PDZRN4: variants seen among roughly 807,000 people sequenced by gnomAD.
The protein encoded by PDZRN4 is PDZ domain containing ring finger 4.
In PDZRN4, 70 loss-of-function variants were observed where a neutral mutation model predicts 99.0. That is an observed-to-expected ratio of 0.71 (90% CI 0.58 to 0.86). PDZRN4 has a LOEUF of 0.86. PDZRN4 is among the 40% of genes least tolerant of loss of function. The probability of loss-of-function intolerance (pLI) is 0.00; values close to 1 mark genes in which losing one functional copy is unlikely to be tolerated. For missense variants in PDZRN4, 1,474 were observed against 1,331.2 expected (o/e 1.11, Z -1.67); for synonymous variants, 551 against 501.6 (o/e 1.10, Z -1.32).
intron 5 of PDZRN4, among the ~76,000 whole-genome samples, chr12:41,513,237 G>A (rs1274814349): frequency 1.3e-5 from 2 of 152,000 alleles, no homozygotes; most frequent in Non-Finnish European, 2.9e-5. Flanking sequence ...ACAAGCAAAT[G>A]CTTCTTTGGA....
At chr12:41,309,327 G>C (rs9669441) in intron 3 of PDZRN4, among the ~76,000 whole-genome samples, 71,904 of 151,936 alleles carry the variant, frequency 0.47, 18,956 homozygotes, top group Middle Eastern at 0.65. Context: ...TGAGGGGCCA[G>C]CATCTTGTGA....
chr12:41,468,205 A>C (rs902767004), intron 3 of PDZRN4, among the ~76,000 whole-genome samples: 2 of 152,332 alleles, frequency 1.3e-5, no homozygotes, highest in South Asian at 4.1e-4. Flanking sequence ...TCTGACCCTC[A>C]GAATATGGAA....
rs1425904586 is a variant in PDZRN4, at chr12:41,243,521, T to C, written c.843+49333T>C. ...GAAGTTATTATTCATGCAAGTGATA[T>C]CACGGCATTTGAATACGTTAAAAAT... On this transcript the variant is annotated intron_variant, in intron 3 of 9. Transcript: ENST00000402685. 1.3e-5 allele frequency among the ~76,000 whole-genome samples: 2 copies of C among 152,224 alleles called. 1 individual carries two copies. Among genetic ancestry groups the C allele is most frequent in the Non-Finnish European group, 2.9e-5 (2 of 68,046 alleles).
intron 2 of PDZRN4, 70 bp from the exon 3 acceptor site, chr12:41,194,011 G>C: frequency 1.4e-6 from 1 of 719,940 alleles, no homozygotes; most frequent in Non-Finnish European, 2.4e-6. Flanking sequence ...TGTTACATTT[G>C]GTAAATTGTC....
chr12:41,554,297 A>G (rs1939107553), intron 6 of PDZRN4, among the ~76,000 whole-genome samples: 1 of 152,158 alleles, frequency 6.6e-6, no homozygotes, highest in Admixed American at 6.5e-5. Context: ...TTCATGAATC[A>G]CCCTTCACTT....
intron 3 of PDZRN4, chr12:41,437,810 G>A (rs962737883): frequency 3.2e-6 from 5 of 1,568,678 alleles, no homozygotes; most frequent in South Asian, 1.2e-5. Flanking sequence ...AGCTAACAGC[G>A]GTTTGTCTGT....
intron 3 of PDZRN4, among the ~76,000 whole-genome samples, chr12:41,196,126 T>C (rs75139276): frequency 0.029 from 4,379 of 152,222 alleles, 162 homozygotes; most frequent in East Asian, 0.16. Context: ...GGTAATTTTA[T>C]AAAACTATGG....
intron 3 of PDZRN4, among the ~76,000 whole-genome samples, chr12:41,317,167 T>G (rs917913397): frequency 3.4e-4 from 51 of 149,472 alleles, no homozygotes; most frequent in African/African-American, 1.2e-3. Context: ...GAGAGAGAGA[T>G]AAATAGGTAA....
At chr12:41,413,832 T>C (rs1053449605) in intron 3 of PDZRN4, among the ~76,000 whole-genome samples, 2 of 152,130 alleles carry the variant, frequency 1.3e-5, no homozygotes, top group African/African-American at 2.4e-5. Context: ...AATATTGATA[T>C]ATGAGGTTTT....
chr12:41,265,022 A>G (rs1951267074), intron 3 of PDZRN4, among the ~76,000 whole-genome samples: 1 of 152,174 alleles, frequency 6.6e-6, no homozygotes, highest in South Asian at 2.1e-4. Flanking sequence ...GACGGGTTCA[A>G]TTGAAGCCCA....
chr12:41,243,395 CAGTT>C (rs1414644070), intron 3 of PDZRN4, among the ~76,000 whole-genome samples: 1 of 152,110 alleles, frequency 6.6e-6, no homozygotes, highest in African/African-American at 2.4e-5. Flanking sequence ...TAAGTTCAGT[CAGTT>C]AAACAAGGAA....
chr12:41,188,773 C>G lies in PDZRN4; in HGVS notation c.318C>G (p.Phe106Leu), dbSNP rs765481596. The G allele has an allele frequency of 7.2e-7, 1 of 1,397,772 alleles. No individual in the cohort carries two copies. The highest frequency in any genetic ancestry group is 9.2e-7 in the Non-Finnish European group (1 of 1,083,888). 86.6% of individuals were successfully genotyped at this position (1,397,772 alleles called of 1,614,324 possible). ...AGGCGCACGTCGAGCACTGCGACTT[C>G]GGCCCTGCCCGCCGGCTCCGCAGCC... ...ELEAHVEHCDFGPARRLRSRG... is the reference protein window; with the variant it reads ...ELEAHVEHCDLGPARRLRSRG... The change falls in exon 1 of 10, where the codon TTC becomes TTG. Residue 106 changes from phenylalanine to leucine, a missense_variant. Phe to Leu is a conservative substitution (Grantham distance 22, BLOSUM62 0). Transcript: ENST00000402685.
chr12:41,481,583 T>A (rs894982836), intron 3 of PDZRN4, among the ~76,000 whole-genome samples: 1 of 152,170 alleles, frequency 6.6e-6, no homozygotes, highest in Non-Finnish European at 1.5e-5. Flanking sequence ...GGCTTTCTCT[T>A]TATTTTCCAT....
At chr12:41,563,221 A>G (rs375892314) in intron 7 of PDZRN4, among the ~76,000 whole-genome samples, 7 of 152,236 alleles carry the variant, frequency 4.6e-5, no homozygotes, top group East Asian at 1.9e-4. Flanking sequence ...TCAGAGTGAC[A>G]CTTCCATTAC....
intron 3 of PDZRN4, among the ~76,000 whole-genome samples, chr12:41,480,975 T>C (rs1021296207): frequency 1.4e-5 from 2 of 143,740 alleles, no homozygotes; most frequent in African/African-American, 5.8e-5. Context: ...ATTACAGGGT[T>C]TTTTTTTTTC....
chr12:41,266,481 C>T (rs576302386), intron 3 of PDZRN4, among the ~76,000 whole-genome samples: 176 of 152,152 alleles, frequency 1.2e-3, no homozygotes, highest in Non-Finnish European at 1.7e-3. Context: ...AGTCAGTGGT[C>T]CTCTGAGCAG....
intron 5 of PDZRN4, among the ~76,000 whole-genome samples, chr12:41,515,712 G>A (rs188761116): frequency 2.2e-4 from 34 of 152,056 alleles, no homozygotes; most frequent in Middle Eastern, 3.4e-3. Flanking sequence ...CCTTATCACT[G>A]CTGCCTTCCC....
At chr12:41,336,925 C>T in intron 3 of PDZRN4, among the ~76,000 whole-genome samples, 1 of 151,974 alleles carries the variant, frequency 6.6e-6, no homozygotes, top group East Asian at 1.9e-4. Context: ...TTAGGTTCTA[C>T]AATAGTGATG....
intron 3 of PDZRN4, among the ~76,000 whole-genome samples, chr12:41,352,028 G>A (rs1474400966): frequency 9.5e-5 from 10 of 105,724 alleles, no homozygotes; most frequent in African/African-American, 3.3e-4. Flanking sequence ...GAATAAAAAT[G>A]AGAAAGTAGA....
Sources: gnomAD v4.1 joint callset for allele counts (sites outside exome capture counted in the v4.1 genomes callset) on GRCh38, gnomAD v4.1.1 for gene constraint, MANE v1.5 for transcripts, NCBI Gene and HGNC (gene_info 2026-07-23, HGNC 2026-07-21) for gene names.